Variants in NIBAN2 observed in about 807,000 individuals in gnomAD.
NIBAN2 encodes niban apoptosis regulator 2.
Under a neutral mutation model 81.8 loss-of-function variants are expected in NIBAN2, and 36 were observed. The observed-to-expected ratio is 0.44, with a 90% CI of 0.34 to 0.58. NIBAN2 has a LOEUF of 0.58. Ranked by LOEUF, NIBAN2 falls within the 20% of genes least tolerant of loss-of-function variation. NIBAN2 has a pLI of 0.02. For missense variants in NIBAN2, 897 were observed against 1,014.1 expected (o/e 0.88, Z 1.57); for synonymous variants, 445 against 441.6 (o/e 1.01, Z -0.10).
intron 1 of NIBAN2, among the ~76,000 whole-genome samples, chr9:127,550,139 A>T (rs1377906743): frequency 6.6e-6 from 1 of 152,040 alleles, no homozygotes; most frequent in Non-Finnish European, 1.5e-5. Flanking sequence ...CATGTACCTG[A>T]CTGCTGCTGA....
chr9:127,541,974 C>A (rs1236542514), intron 1 of NIBAN2, among the ~76,000 whole-genome samples: 1 of 152,156 alleles, frequency 6.6e-6, no homozygotes, highest in African/African-American at 2.4e-5. Context: ...GGCCACCCAG[C>A]CTGTGCCTCT....
At chr9:127,578,521 G>A (rs914005900) in intron 1 of NIBAN2, among the ~76,000 whole-genome samples, 1 of 151,854 alleles carries the variant, frequency 6.6e-6, no homozygotes, top group Non-Finnish European at 1.5e-5. Flanking sequence ...AATTAGCTGG[G>A]CATGGCGGTG....
chr9:127,523,721 ACTTGTC>A lies in NIBAN2; in HGVS notation c.541_546del (p.Asp181_Lys182del). 1 of 1,613,934 alleles carries A rather than the reference ACTTGTC, an allele frequency of 6.2e-7. No individual in the cohort carries two copies. Among genetic ancestry groups the A allele is most frequent in the Non-Finnish European group, 8.5e-7 (1 of 1,179,960 alleles). On this transcript the variant is annotated inframe_deletion, in exon 5 of 14. Coordinates refer to ENST00000373312, the MANE Select transcript of NIBAN2 (RefSeq NM_022833.4). Reference sequence around the variant, plus strand: ...ATGCAGTCCTGCAGCACAGCCTGCCACTTGTCCTGCTCGGCTTCTGTCATCATGCAG... The same window carrying A: ...ATGCAGTCCTGCAGCACAGCCTGCCACTGCTCGGCTTCTGTCATCATGCAG...
At position 127,539,780 on chromosome 9, in the gene NIBAN2, G is replaced by A. The variant is rs949288510; in HGVS notation, c.56-8002C>T. 3.9e-5 allele frequency among the ~76,000 whole-genome samples: 6 copies of A among 152,208 alleles called. 1 individual carries two copies. The South Asian group carries it at 1.0e-3, about 26-fold the overall frequency. On this transcript the variant is annotated intron_variant, in intron 1 of 13. Coordinates refer to ENST00000373312, the MANE Select transcript of NIBAN2 (RefSeq NM_022833.4). Reference sequence around the variant, plus strand: ...CCCCTCGGGCCAGACAAAAGGACCCGGGGGGAGAACTAGGCACCCCCCATC... The same window carrying A: ...CCCCTCGGGCCAGACAAAAGGACCCAGGGGGAGAACTAGGCACCCCCCATC...
intron 8 of NIBAN2, among the ~76,000 whole-genome samples, chr9:127,515,621 G>A (rs1017906257): frequency 2.6e-5 from 4 of 151,952 alleles, no homozygotes; most frequent in Non-Finnish European, 5.9e-5. Flanking sequence ...TGGATCACTT[G>A]AGGTTAAGAA....
In NIBAN2 at chr9:127,563,388, C is replaced by T. The variant is rs991113572; in HGVS notation, c.55+5432G>A. Among the ~76,000 whole-genome samples, 8 of 152,268 alleles carry T rather than the reference C, an allele frequency of 5.3e-5. No individual in the cohort carries two copies. The highest frequency in any genetic ancestry group is 2.1e-4 in the South Asian group (1 of 4,838). On this transcript the variant is annotated intron_variant, in intron 1 of 13. Coordinates refer to ENST00000373312, the MANE Select transcript of NIBAN2 (RefSeq NM_022833.4). This position sits in a 1 kb window ranked among gnomAD's most constrained non-coding sequence, Gnocchi z 4.1. The stretch of plus-strand genomic sequence containing the variant: ...GCGGCCCAGGCCCAGGCACTGCTTC[C>T]GGCCAGCCTGGTCTCTCTGCAAAGT...
intron 1 of NIBAN2, among the ~76,000 whole-genome samples, chr9:127,567,217 G>C (rs569688066): frequency 6.6e-6 from 1 of 152,022 alleles, no homozygotes; most frequent in African/African-American, 2.4e-5. Context: ...AAACCCCACC[G>C]AATGCAAGGC....
intron 8 of NIBAN2, among the ~76,000 whole-genome samples, chr9:127,514,533 A>T (rs1326291456): frequency 6.6e-6 from 1 of 152,212 alleles, no homozygotes; most frequent in Non-Finnish European, 1.5e-5. Flanking sequence ...AGTAGACAAA[A>T]ACTCCTTTAG....
upstream of NIBAN2, among the ~76,000 whole-genome samples, chr9:127,570,247 C>A (rs1243182816): frequency 6.6e-6 from 1 of 152,192 alleles, no homozygotes; most frequent in African/African-American, 2.4e-5. Flanking sequence ...TACTTCAGGC[C>A]TGTGCACACC....
rs763105834 is a variant in NIBAN2, at chr9:127,507,102, G to A, written c.1984C>T (p.Arg662Trp). 1.7e-5 allele frequency: 27 copies of A among 1,581,262 alleles called. No homozygotes were observed. The highest frequency in any genetic ancestry group is 4.0e-5 in the African/African-American group (3 of 74,298). ...CCGGCTGGTGGGGGGCTCTCAGGCC[G>A]CAGACCTTGGGCCAGCAGGCCTCGG... ...EIRGLLAQGL[R>W]PESPPPAGPL... Residue 662 changes from arginine to tryptophan, a missense_variant, in exon 14 of 14, where the codon CGG (arginine) becomes TGG (tryptophan). Around this residue, in one of 3 missense-constraint regions of NIBAN2, gnomAD observed 619 missense variants for 691.0 expected, o/e 0.90. Coordinates refer to ENST00000373312, the MANE Select transcript of NIBAN2 (RefSeq NM_022833.4). This position sits in a 1 kb window ranked among gnomAD's most constrained non-coding sequence, Gnocchi z 6.8.
At chr9:127,565,022 A>G (rs1203479261) in intron 1 of NIBAN2, among the ~76,000 whole-genome samples, 2 of 152,132 alleles carry the variant, frequency 1.3e-5, no homozygotes, top group Non-Finnish European at 2.9e-5. Flanking sequence ...GTTTTATTTT[A>G]CCCTCCTAAA....
Position 127,513,761 on chromosome 9 carries a change from G to A in NIBAN2, c.973+3096C>T, listed in dbSNP as rs148550707. 7.2e-5 allele frequency among the ~76,000 whole-genome samples: 11 copies of A among 152,252 alleles called. No individual in the cohort carries two copies. The East Asian group carries it at 2.1e-3, about 29-fold the overall frequency. ...CCAGCAGCCCTCGTGCTCTGTCTAC[G>A]CAGTAGCCATTCTTTTATTCCTTCG... On this transcript the variant is annotated intron_variant, in intron 8 of 13. Coordinates refer to ENST00000373312, the MANE Select transcript of NIBAN2 (RefSeq NM_022833.4).
intron 1 of NIBAN2, among the ~76,000 whole-genome samples, chr9:127,565,917 T>G: frequency 6.8e-6 from 1 of 146,830 alleles, no homozygotes; most frequent in African/African-American, 2.5e-5. Flanking sequence ...CTGGGCAACA[T>G]AGGGAGACCC....
Position 127,508,523 on chromosome 9 carries a change from C to T in NIBAN2, c.1333G>A (p.Val445Met), listed in dbSNP as rs749442375. 64 of 1,613,644 alleles carry T rather than the reference C, an allele frequency of 4.0e-5. No homozygotes were observed. Among genetic ancestry groups the T allele is most frequent in the Middle Eastern group, 1.6e-4 (1 of 6,080 alleles). Residue 445 changes from valine to methionine, a missense_variant, in exon 11 of 14, where the codon GTG becomes ATG. By Grantham distance (21) the Val-to-Met change is conservative. Coordinates refer to ENST00000373312, the MANE Select transcript of NIBAN2 (RefSeq NM_022833.4). The surrounding 1 kb of genome is among the most constrained non-coding windows in gnomAD (Gnocchi z 6.4). ...IHMREQMDNA[V>M]YTFETLLHQE... ...TGCAGGAGGGTCTCGAACGTATACA[C>T]GGCATTGTCCATTTGCTGCAGGGCA...
chr9:127,531,226 T>TC (rs1456119109), intron 2 of NIBAN2, among the ~76,000 whole-genome samples: 1 of 150,032 alleles, frequency 6.7e-6, no homozygotes, highest in East Asian at 2.0e-4. Context: ...CACCTGCCTG[T>TC]AATCCCAGCA....
At chr9:127,534,856 C>A (rs931819271) in intron 1 of NIBAN2, among the ~76,000 whole-genome samples, 1 of 152,140 alleles carries the variant, frequency 6.6e-6, no homozygotes, top group East Asian at 1.9e-4. Flanking sequence ...AGTCATACAT[C>A]GGGGATAATA....
chr9:127,558,365 A>G (rs1164557282), intron 1 of NIBAN2, among the ~76,000 whole-genome samples: 1 of 152,146 alleles, frequency 6.6e-6, no homozygotes, highest in African/African-American at 2.4e-5. Context: ...CGGAGAGGGA[A>G]AAGCTTCATG....
intron 2 of NIBAN2, among the ~76,000 whole-genome samples, chr9:127,528,604 A>G (rs536356454): frequency 6.6e-6 from 1 of 152,250 alleles, no homozygotes; most frequent in East Asian, 1.9e-4. Context: ...CTCCTGGAGA[A>G]GGAGAGCCCA....
At chr9:127,510,396 A>ACCTGG in intron 8 of NIBAN2, 63 bp from the exon 9 acceptor site, 3 of 1,308,262 alleles carry the variant, frequency 2.3e-6, no homozygotes, top group East Asian at 2.4e-5. Flanking sequence ...GCCATCCCAG[A>ACCTGG]GCCCAGGTGC....
Sources: allele counts gnomAD v4.1 joint callset (sites outside exome capture counted in the v4.1 genomes callset), GRCh38; gene constraint gnomAD v4.1.1; regional missense constraint gnomAD v4.1.1; non-coding constraint Gnocchi (gnomAD v3.1); transcripts MANE v1.5; gene names NCBI Gene and HGNC (gene_info 2026-07-23, HGNC 2026-07-21).